The following GRIK4 variants were observed in gnomAD, a reference collection of about 807,000 sequenced individuals.
GRIK4 encodes the protein glutamate ionotropic receptor kainate type subunit 4.
In GRIK4, 40 loss-of-function variants were observed where a neutral mutation model predicts 104.9. The observed-to-expected ratio is 0.38, with a 90% CI of 0.30 to 0.50. The LOEUF (loss-of-function observed/expected upper bound fraction) is 0.50, where lower values mean the gene tolerates loss of function less well. GRIK4 is among the 20% of genes least tolerant of loss of function. GRIK4 has a pLI of 0.93. For missense variants in GRIK4, 1,047 were observed against 1,308.1 expected (o/e 0.80, Z 3.08); for synonymous variants, 485 against 524.9 (o/e 0.92, Z 1.04).
chr11:120,574,799 T>TGCA (rs1948457008), intron 1 of GRIK4, among the ~76,000 whole-genome samples: 1 of 152,196 alleles, frequency 6.6e-6, no homozygotes, highest in Admixed American at 6.5e-5. Flanking sequence ...CGCTTTCCTC[T>TGCA]GTGTCTCCCT....
chr11:120,637,133 A>T (rs977674817), intron 1 of GRIK4, among the ~76,000 whole-genome samples: 1 of 143,350 alleles, frequency 7.0e-6, no homozygotes, highest in African/African-American at 2.6e-5. Flanking sequence ...GGAGGGAAGG[A>T]GGTGAGAGGG....
At chr11:120,965,023 C>G (rs1401239048) in intron 18 of GRIK4, among the ~76,000 whole-genome samples, 4 of 152,198 alleles carry the variant, frequency 2.6e-5, no homozygotes, top group African/African-American at 9.7e-5. Context: ...AAGAACATTA[C>G]ACAGTTCATT....
intron 11 of GRIK4, among the ~76,000 whole-genome samples, chr11:120,883,000 C>T (rs1424844872): frequency 3.3e-5 from 5 of 152,204 alleles, no homozygotes; most frequent in African/African-American, 9.6e-5. Flanking sequence ...CTTCCCTAAT[C>T]CCCAGCTCCT....
At position 120,940,872 on chromosome 11, in the gene GRIK4, TTC is replaced by T. The variant is rs1237643973; in HGVS notation, c.1590+419_1590+420del. Reference sequence around the variant, plus strand: ...CATTTGGCGAGGGAATGTAGATTCCTTCTCTCTCGATGATCTGTCCTGGAGAA... The same window carrying T: ...CATTTGGCGAGGGAATGTAGATTCCTTCTCTCGATGATCTGTCCTGGAGAA... On this transcript the variant is annotated intron_variant, in intron 14 of 20. Coordinates refer to ENST00000527524, the MANE Select transcript of GRIK4 (RefSeq NM_014619.5). The surrounding 1 kb of genome is among the most constrained non-coding windows in gnomAD (Gnocchi z 4.3). Among the ~76,000 whole-genome samples the T allele has an allele frequency of 6.6e-6, 1 of 152,254 alleles. No homozygotes were observed. The highest frequency in any genetic ancestry group is 1.5e-5 in the Non-Finnish European group (1 of 68,028).
At chr11:120,825,606 A>G (rs1953237294) in intron 6 of GRIK4, among the ~76,000 whole-genome samples, 1 of 152,178 alleles carries the variant, frequency 6.6e-6, no homozygotes, top group South Asian at 2.1e-4. Flanking sequence ...GCAGACTTGG[A>G]TCTCGAGGCA....
intron 6 of GRIK4, among the ~76,000 whole-genome samples, chr11:120,824,548 C>CTCTTTTT (rs1391390503): frequency 3.0e-5 from 4 of 131,234 alleles, no homozygotes; most frequent in Non-Finnish European, 6.8e-5. Context: ...TTTTTTTTTT[C>CTCTTTTT]TTTTCTTTTT....
Position 120,522,568 on chromosome 11 carries a change from G to T in GRIK4, c.-159+10681G>T, listed in dbSNP as rs12278707. 7.5e-4 allele frequency among the ~76,000 whole-genome samples: 114 copies of T among 152,148 alleles called. 1 individual carries two copies. Among genetic ancestry groups the T allele is most frequent in the South Asian group, 5.6e-3 (27 of 4,806 alleles). On this transcript the variant is annotated intron_variant, in intron 1 of 20. Coordinates refer to ENST00000527524, the MANE Select transcript of GRIK4 (RefSeq NM_014619.5). ...ACCCCTGACCTCAGGTGATCCGCCC[G>T]CCTTGGCCTCCCAAAGTGCTGGGAT...
intron 1 of GRIK4, among the ~76,000 whole-genome samples, chr11:120,629,019 C>T (rs1312523636): frequency 6.6e-6 from 1 of 152,154 alleles, no homozygotes; most frequent in South Asian, 2.1e-4. Flanking sequence ...CCGAGCAAGG[C>T]GGCAGAAGGA....
At chr11:120,822,107 AG>A (rs1337369883) in intron 6 of GRIK4, among the ~76,000 whole-genome samples, 1 of 146,680 alleles carries the variant, frequency 6.8e-6, no homozygotes, top group African/African-American at 2.5e-5. Context: ...GCTACTTGGG[AG>A]GCTGAGACAC....
chr11:120,575,737 C>T (rs953949251), intron 1 of GRIK4: 2 of 152,114 alleles, frequency 1.3e-5, no homozygotes, highest in Non-Finnish European at 2.9e-5. Flanking sequence ...CCTCTCTTCT[C>T]CTTGTGCTTA....
Position 120,967,398 on chromosome 11 carries a change from G to T in GRIK4, c.2395+75G>T. 6.7e-7 allele frequency: 1 copy of T among 1,490,922 alleles called. No homozygotes were observed. Among genetic ancestry groups the T allele is most frequent in the Non-Finnish European group, 9.1e-7 (1 of 1,098,984 alleles). The allele number at this position is 1,490,922 out of a possible 1,614,324, so 92.4% of individuals were successfully genotyped here. ...CTTGTTTCTCGTGTTCAAATTCCAG[G>T]TACACATAATGACTTGTAGGACCCA... On this transcript the variant is annotated intron_variant, in intron 19 of 20. Coordinates refer to ENST00000527524, the MANE Select transcript of GRIK4 (RefSeq NM_014619.5). This position sits in a 1 kb window ranked among gnomAD's most constrained non-coding sequence, Gnocchi z 4.2.
In GRIK4 at chr11:120,660,258, C is replaced by T; in HGVS notation, c.-50-11C>T. On this transcript the variant is annotated splice_polypyrimidine_tract_variant and intron_variant, in intron 2 of 20. Coordinates refer to ENST00000527524, the MANE Select transcript of GRIK4 (RefSeq NM_014619.5). ...CTGGGACTCACGTGCCCCCAACCCCCTCTCTCGCAGAGTTATGTCATGCCC... is the reference window on the plus strand; with the variant it reads ...CTGGGACTCACGTGCCCCCAACCCCTTCTCTCGCAGAGTTATGTCATGCCC... The T allele has an allele frequency of 9.6e-6, 12 of 1,248,940 alleles. No homozygotes were observed. Among genetic ancestry groups the T allele is most frequent in the Middle Eastern group, 1.9e-4 (1 of 5,326 alleles). The allele number at this position is 1,248,940 out of a possible 1,614,324, so 77.4% of individuals were successfully genotyped here.
chr11:120,557,239 C>G (rs1348235612), intron 1 of GRIK4, among the ~76,000 whole-genome samples: 2 of 152,208 alleles, frequency 1.3e-5, no homozygotes, highest in African/African-American at 2.4e-5. Flanking sequence ...CCTGTCCCCC[C>G]CGAGGACTCT....
intron 3 of GRIK4, among the ~76,000 whole-genome samples, chr11:120,732,251 C>T (rs961009326): frequency 5.3e-5 from 8 of 152,150 alleles, no homozygotes; most frequent in Non-Finnish European, 8.8e-5. Context: ...CCTGCCTCAG[C>T]CTCCCAAGTA....
At chr11:120,825,077 A>T (rs1443112978) in intron 6 of GRIK4, among the ~76,000 whole-genome samples, 1 of 151,120 alleles carries the variant, frequency 6.6e-6, no homozygotes, top group East Asian at 2.0e-4. Flanking sequence ...GATGTGAGCC[A>T]CCATGCTCAG....
chr11:120,615,936 C>CA (rs1949106892), intron 1 of GRIK4, among the ~76,000 whole-genome samples: 1 of 151,744 alleles, frequency 6.6e-6, no homozygotes, highest in Non-Finnish European at 1.5e-5. Flanking sequence ...CCTGAAATCC[C>CA]AGGAGTTGGG....
chr11:120,529,237 G>A lies in GRIK4; in HGVS notation c.-159+17350G>A, dbSNP rs115286290. Among the ~76,000 whole-genome samples, 1,071 of 152,244 alleles carry A rather than the reference G, an allele frequency of 7.0e-3. 5 individuals are homozygous for A. The highest frequency in any genetic ancestry group is 0.024 in the African/African-American group (1,010 of 41,558). ...ACATTGTAGCACTGAGCTGTGGGAGGCCAGGCATCAAGTCACCACATCCAC... is the reference window on the plus strand; with the variant it reads ...ACATTGTAGCACTGAGCTGTGGGAGACCAGGCATCAAGTCACCACATCCAC... On this transcript the variant is annotated intron_variant, in intron 1 of 20. Coordinates refer to ENST00000527524, the MANE Select transcript of GRIK4 (RefSeq NM_014619.5).
At chr11:120,908,460 C>CGG (rs1942920717) in intron 13 of GRIK4, among the ~76,000 whole-genome samples, 1 of 150,960 alleles carries the variant, frequency 6.6e-6, no homozygotes, top group South Asian at 2.1e-4. Flanking sequence ...CACACACACA[C>CGG]AGAGAGATTG....
chr11:120,757,778 T>G (rs1343226014), intron 3 of GRIK4, among the ~76,000 whole-genome samples: 1 of 152,146 alleles, frequency 6.6e-6, no homozygotes, highest in African/African-American at 2.4e-5. Flanking sequence ...ATTGGGGGAT[T>G]CCATGGGATT....
Sources: gnomAD v4.1 joint callset for allele counts (sites outside exome capture counted in the v4.1 genomes callset) on GRCh38, gnomAD v4.1.1 for gene constraint, Gnocchi (gnomAD v3.1) non-coding constraint, MANE v1.5 for transcripts, NCBI Gene and HGNC (gene_info 2026-07-23, HGNC 2026-07-21) for gene names.